The following KLHL29 variants were observed in gnomAD, a reference collection of about 807,000 sequenced individuals.
KLHL29 encodes kelch-like protein 29.
In KLHL29, 21 loss-of-function variants were observed where a neutral mutation model predicts 80.4. The observed-to-expected ratio is 0.26, with a 90% CI of 0.19 to 0.38. The LOEUF is 0.38. Ranked by LOEUF, KLHL29 falls within the 10% of genes least tolerant of loss-of-function variation. The probability of loss-of-function intolerance (pLI) is 1.00; values close to 1 mark genes in which losing one functional copy is unlikely to be tolerated. For missense variants in KLHL29, 867 were observed against 1,223.9 expected (o/e 0.71, Z 4.35); for synonymous variants, 511 against 526.8 (o/e 0.97, Z 0.41).
At chr2:23,677,448 A>G (rs1670954334) in intron 5 of KLHL29, among the ~76,000 whole-genome samples, 1 of 152,210 alleles carries the variant, frequency 6.6e-6, no homozygotes, top group African/African-American at 2.4e-5. Context: ...AGAGTGTTTC[A>G]TGGTTCCTAG....
At chr2:23,571,030 C>T (rs1667704358) in intron 3 of KLHL29, among the ~76,000 whole-genome samples, 1 of 152,232 alleles carries the variant, frequency 6.6e-6, no homozygotes, top group Non-Finnish European at 1.5e-5. Context: ...TCTGGTGTCT[C>T]TGTGATTATC....
chr2:23,561,057 A>C (rs1253660116), intron 2 of KLHL29, among the ~76,000 whole-genome samples: 1 of 152,180 alleles, frequency 6.6e-6, no homozygotes. Context: ...GAGAATGGAA[A>C]AGGCCAAAGG....
rs368764923 is a variant in KLHL29, at chr2:23,424,346, G to T, written c.-154+38566G>T. On this transcript the variant is annotated intron_variant, in intron 1 of 13. Transcript: ENST00000486442. ...TGTTTCCTGTGAGAGAATGCATGGC[G>T]AACGGAAATCAGACTCGGTCACCAT... is the stretch of plus-strand genomic sequence containing the variant. Among the ~76,000 whole-genome samples, 3 of 152,314 alleles carry T rather than the reference G, an allele frequency of 2.0e-5. No homozygotes were observed. In the South Asian group the frequency reaches 6.2e-4, roughly 32 times the overall value.
At chr2:23,393,010 G>A (rs1028081255) in intron 1 of KLHL29, among the ~76,000 whole-genome samples, 4 of 152,146 alleles carry the variant, frequency 2.6e-5, no homozygotes, top group Non-Finnish European at 4.4e-5. Flanking sequence ...TTTGAATGGC[G>A]TCTGTTTCCA....
intron 1 of KLHL29, among the ~76,000 whole-genome samples, chr2:23,412,041 AGG>A (rs1331137200): frequency 6.7e-6 from 1 of 149,320 alleles, no homozygotes; most frequent in African/African-American, 2.5e-5. Context: ...GATGTGTCAG[AGG>A]AAGTGTTGTG....
chr2:23,674,005 C>T (rs1474377609), intron 5 of KLHL29, among the ~76,000 whole-genome samples: 2 of 152,240 alleles, frequency 1.3e-5, no homozygotes, highest in African/African-American at 4.8e-5. Flanking sequence ...GTGTTCACAT[C>T]TCACCCCTGC....
At chr2:23,491,694 A>C (rs1383099723) in intron 2 of KLHL29, among the ~76,000 whole-genome samples, 1 of 151,934 alleles carries the variant, frequency 6.6e-6, no homozygotes, top group East Asian at 1.9e-4. Flanking sequence ...TCTGTGCTGG[A>C]GCCTCCCAGA....
At chr2:23,404,632 G>T (rs1019025549) in intron 1 of KLHL29, among the ~76,000 whole-genome samples, 1 of 152,208 alleles carries the variant, frequency 6.6e-6, no homozygotes, top group African/African-American at 2.4e-5. Flanking sequence ...TGAGAGGCCT[G>T]GGGGAAGGAG....
chr2:23,418,875 T>C (rs1245022427), intron 1 of KLHL29, among the ~76,000 whole-genome samples: 1 of 152,002 alleles, frequency 6.6e-6, no homozygotes, highest in Non-Finnish European at 1.5e-5. Flanking sequence ...TGATCCCCCC[T>C]TCCCTGCCCC....
intron 1 of KLHL29, among the ~76,000 whole-genome samples, chr2:23,434,147 C>T (rs1663267070): frequency 6.6e-6 from 1 of 151,870 alleles, no homozygotes; most frequent in African/African-American, 2.4e-5. Flanking sequence ...CGGTGAAACC[C>T]CGTTTCTACT....
At chr2:23,582,847 A>G (rs538793611) in intron 3 of KLHL29, among the ~76,000 whole-genome samples, 2 of 152,298 alleles carry the variant, frequency 1.3e-5, no homozygotes, top group African/African-American at 4.8e-5. Context: ...AGCCAAATAT[A>G]TGTCCACCCA....
chr2:23,590,103 G>A (rs1668218440), intron 3 of KLHL29, among the ~76,000 whole-genome samples: 1 of 152,234 alleles, frequency 6.6e-6, no homozygotes, highest in South Asian at 2.1e-4. Flanking sequence ...GGCCTAGAGA[G>A]GGAAGGGAGA....
chr2:23,622,603 C>A (rs1049602677), intron 3 of KLHL29, among the ~76,000 whole-genome samples: 1 of 152,208 alleles, frequency 6.6e-6, no homozygotes, highest in African/African-American at 2.4e-5. Context: ...TGACTCCTCC[C>A]AGCCCTGAAG....
chr2:23,702,385 A>G (rs1005074597), intron 11 of KLHL29, among the ~76,000 whole-genome samples: 9 of 152,314 alleles, frequency 5.9e-5, no homozygotes, highest in African/African-American at 1.7e-4. Flanking sequence ...CAGATATCTC[A>G]TGGATTTTAT....
chr2:23,403,750 T>TGC (rs1558325369), intron 1 of KLHL29, among the ~76,000 whole-genome samples: 2 of 151,546 alleles, frequency 1.3e-5, no homozygotes, highest in African/African-American at 4.9e-5. Context: ...TGTGTGTGTG[T>TGC]GTGTGTGTGT....
chr2:23,640,700 T>G (rs1669743322), intron 4 of KLHL29, among the ~76,000 whole-genome samples: 1 of 152,264 alleles, frequency 6.6e-6, no homozygotes, highest in Non-Finnish European at 1.5e-5. Context: ...GCACATGTAT[T>G]GCGTGCCCTG....
At chr2:23,497,696 G>A (rs1251497637) in intron 2 of KLHL29, among the ~76,000 whole-genome samples, 4 of 152,190 alleles carry the variant, frequency 2.6e-5, no homozygotes, top group African/African-American at 9.7e-5. Flanking sequence ...ATAGCCTTAA[G>A]CTCTTTGGAG....
At chr2:23,656,398 A>C (rs3795936) in intron 5 of KLHL29, among the ~76,000 whole-genome samples, 24,643 of 152,178 alleles carry the variant, frequency 0.16, 2,266 homozygotes, top group Middle Eastern at 0.22. Context: ...GGCGAAGGGG[A>C]AGGGCTGTGA....
chr2:23,471,057 C>T (rs1378293651), intron 1 of KLHL29, among the ~76,000 whole-genome samples: 1 of 152,206 alleles, frequency 6.6e-6, no homozygotes, highest in East Asian at 1.9e-4. Context: ...GCCGCAGAGT[C>T]CCATATCTGG....
Sources: gnomAD v4.1 joint callset for allele counts (sites outside exome capture counted in the v4.1 genomes callset) on GRCh38, gnomAD v4.1.1 for gene constraint, MANE v1.5 for transcripts, NCBI Gene and HGNC (gene_info 2026-07-23, HGNC 2026-07-21) for gene names.